The following CEP128 variants were observed in gnomAD, a reference collection of about 807,000 sequenced individuals.
The protein encoded by CEP128 is centrosomal protein 128kDa.
A neutral mutation model predicts 156.7 loss-of-function variants in CEP128; 132 were observed. The observed-to-expected ratio is 0.84, with a 90% CI of 0.73 to 0.97. The LOEUF is 0.97. Ranked by LOEUF, CEP128 falls within the 50% of genes least tolerant of loss-of-function variation. The pLI is 0.00. For synonymous variants in CEP128, 469 were observed against 448.9 expected (o/e 1.04, Z -0.57); for missense variants, 1,252 against 1,281.9 (o/e 0.98, Z 0.36).
intron 19 of CEP128, among the ~76,000 whole-genome samples, chr14:80,605,776 A>T (rs972008017): frequency 6.6e-6 from 1 of 152,068 alleles, no homozygotes; most frequent in Non-Finnish European, 1.5e-5. Flanking sequence ...AAGGGCAGTC[A>T]AGCATACTAA....
intron 21 of CEP128, among the ~76,000 whole-genome samples, chr14:80,539,998 CCT>C (rs1175680186): frequency 2.0e-5 from 3 of 152,064 alleles, no homozygotes; most frequent in Admixed American, 6.6e-5. Context: ...GCTCTCGAAC[CCT>C]GTTTTCTGTT....
chr14:80,817,967 T>C (rs1356141202), intron 13 of CEP128, among the ~76,000 whole-genome samples: 1 of 151,786 alleles, frequency 6.6e-6, no homozygotes, highest in African/African-American at 2.4e-5. Flanking sequence ...TATCGATAGA[T>C]ATGATGCAAT....
intron 19 of CEP128, among the ~76,000 whole-genome samples, chr14:80,674,437 C>A (rs190625087): frequency 1.3e-5 from 2 of 152,176 alleles, no homozygotes; most frequent in South Asian, 2.1e-4. Context: ...TGTGACATAT[C>A]CTGTGATTTC....
chr14:80,759,662 C>T (rs1173354123), intron 17 of CEP128, among the ~76,000 whole-genome samples: 2 of 152,062 alleles, frequency 1.3e-5, no homozygotes, highest in African/African-American at 4.8e-5. Context: ...CTATTTTCCA[C>T]CCAAGACTTG....
At chr14:80,643,114 A>G (rs1015486312) in intron 19 of CEP128, among the ~76,000 whole-genome samples, 1 of 152,172 alleles carries the variant, frequency 6.6e-6, no homozygotes, top group Non-Finnish European at 1.5e-5. Context: ...GTTATCCACT[A>G]TTATTTTCCC....
At chr14:80,664,907 C>T (rs376510160) in intron 19 of CEP128, among the ~76,000 whole-genome samples, 6 of 152,228 alleles carry the variant, frequency 3.9e-5, no homozygotes, top group South Asian at 2.1e-4. Context: ...GCTCTAATAG[C>T]GTAAACTTTA....
chr14:80,950,403 T>C (rs773901323), intron 2 of CEP128, among the ~76,000 whole-genome samples: 9 of 152,150 alleles, frequency 5.9e-5, no homozygotes, highest in Non-Finnish European at 1.0e-4. Context: ...GTATTTTAGA[T>C]GTTCAAAAAG....
intron 22 of CEP128, among the ~76,000 whole-genome samples, chr14:80,527,936 C>T (rs1305916400): frequency 6.6e-6 from 1 of 151,290 alleles, no homozygotes; most frequent in African/African-American, 2.4e-5. Context: ...TCACTATAGA[C>T]AATTATTTAG....
intron 19 of CEP128, among the ~76,000 whole-genome samples, chr14:80,581,859 A>T (rs1471573542): frequency 6.6e-6 from 1 of 152,186 alleles, no homozygotes; most frequent in Non-Finnish European, 1.5e-5. Flanking sequence ...GCATTGTGGC[A>T]TTGTAGCTAC....
chr14:80,733,670 T>C (rs181324252), intron 19 of CEP128, among the ~76,000 whole-genome samples: 356 of 152,286 alleles, frequency 2.3e-3, no homozygotes, highest in Non-Finnish European at 3.5e-3. Flanking sequence ...TTCATGGCTA[T>C]AAGGCATATA....
downstream of CEP128, among the ~76,000 whole-genome samples, chr14:80,494,623 C>T (rs183712799): frequency 6.6e-6 from 1 of 152,238 alleles, no homozygotes; most frequent in Admixed American, 6.5e-5. Context: ...AATGGCTCTA[C>T]ATGTACTTTG....
chr14:80,875,756 C>T (rs960729222), intron 8 of CEP128, among the ~76,000 whole-genome samples: 17 of 152,142 alleles, frequency 1.1e-4, no homozygotes, highest in Non-Finnish European at 2.2e-4. Flanking sequence ...AGATGGGATA[C>T]TTTCAGGTAT....
chr14:80,562,088 C>T (rs144729745), intron 20 of CEP128, among the ~76,000 whole-genome samples: 14,505 of 116,268 alleles, frequency 0.12, 852 homozygotes, highest in East Asian at 0.18. Context: ...CCACCACATC[C>T]GGCTAATTTT....
Position 80,576,335 on chromosome 14 carries a change from A to G in CEP128, c.2856+4039T>C, listed in dbSNP as rs1566789467. On this transcript the variant is annotated intron_variant, in intron 20 of 24. Coordinates refer to ENST00000555265, the MANE Select transcript of CEP128 (RefSeq NM_152446.5). ...AAACTCATATGCAAATAAAACTCTG[A>G]TACTGCACTACACATTTATAGTCAA... is the stretch of plus-strand genomic sequence containing the variant. Among the ~76,000 whole-genome samples the G allele has an allele frequency of 2.0e-5, 3 of 152,206 alleles. No individual in the cohort carries two copies. The South Asian group carries it at 6.2e-4, about 31-fold the overall frequency.
intron 19 of CEP128, among the ~76,000 whole-genome samples, chr14:80,628,532 T>C (rs1437490173): frequency 1.3e-5 from 2 of 152,208 alleles, no homozygotes; most frequent in Non-Finnish European, 2.9e-5. Flanking sequence ...AGAATGGACA[T>C]CTGCTGTTTT....
At chr14:80,877,546 A>G (rs1888340452) in intron 8 of CEP128, among the ~76,000 whole-genome samples, 1 of 152,246 alleles carries the variant, frequency 6.6e-6, no homozygotes, top group African/African-American at 2.4e-5. Context: ...AAAGGCACAC[A>G]CACAAAAAAC....
intron 6 of CEP128, among the ~76,000 whole-genome samples, chr14:80,902,881 C>T (rs1189604428): frequency 6.6e-6 from 1 of 152,064 alleles, no homozygotes; most frequent in African/African-American, 2.4e-5. Context: ...AGAAAGGAAA[C>T]AAAACACGTC....
chr14:80,654,535 G>GT (rs1895047118), intron 19 of CEP128, among the ~76,000 whole-genome samples: 1 of 152,126 alleles, frequency 6.6e-6, no homozygotes, highest in Admixed American at 6.6e-5. Flanking sequence ...TCTTGAAAGA[G>GT]TAAGTAGCGC....
rs879760572 is a variant in CEP128 at position 80,657,981 on chromosome 14, ATC to A, written c.2807-77560_2807-77559del. 4.4e-4 allele frequency among the ~76,000 whole-genome samples: 66 copies of A among 151,314 alleles called. 1 individual carries two copies. Among genetic ancestry groups the A allele is most frequent in the Admixed American group, 3.0e-3 (45 of 15,230 alleles). ...GTTTAAATTCAAGGCTCCATTGAAT[ATC>A]TATTCTACCTCGGTGACAGCGTTAA... On this transcript the variant is annotated intron_variant, in intron 19 of 24. Coordinates refer to ENST00000555265, the MANE Select transcript of CEP128 (RefSeq NM_152446.5).
Sources: allele counts gnomAD v4.1 joint callset (sites outside exome capture counted in the v4.1 genomes callset), GRCh38; gene constraint gnomAD v4.1.1; transcripts MANE v1.5; gene names NCBI Gene and HGNC (gene_info 2026-07-23, HGNC 2026-07-21).